CARMIL1: variants seen among roughly 807,000 people sequenced by gnomAD.
CARMIL1 encodes the protein F-actin-uncapping protein LRRC16A.
Under a neutral mutation model 177.1 loss-of-function variants are expected in CARMIL1, and 90 were observed. The ratio of observed to expected loss-of-function variants is 0.51; its 90% CI spans 0.43 to 0.61. CARMIL1 has a LOEUF of 0.61. Among genes scored for constraint, CARMIL1 ranks in the 20% least tolerant of loss-of-function variants. The probability of loss-of-function intolerance (pLI) is 0.00; values close to 1 mark genes in which losing one functional copy is unlikely to be tolerated. For synonymous variants in CARMIL1, 577 were observed against 606.2 expected (o/e 0.95, Z 0.71); for missense variants, 1,380 against 1,667.0 (o/e 0.83, Z 3.00).
intron 2 of CARMIL1, among the ~76,000 whole-genome samples, chr6:25,401,282 A>G (rs557043697): frequency 1.9e-5 from 1 of 51,512 alleles, no homozygotes; most frequent in African/African-American, 7.5e-5. Context: ...TTATACACAA[A>G]CACACACACA....
intron 2 of CARMIL1, among the ~76,000 whole-genome samples, chr6:25,357,676 A>T (rs1021105602): frequency 6.6e-6 from 1 of 152,244 alleles, no homozygotes. Flanking sequence ...GAAAAGCTGC[A>T]GTTTACTCCA....
At chr6:25,592,076 A>G (rs1406892651) in intron 31 of CARMIL1, among the ~76,000 whole-genome samples, 2 of 152,142 alleles carry the variant, frequency 1.3e-5, no homozygotes, top group African/African-American at 4.8e-5. Context: ...CAAAATGAAA[A>G]GAGGAATCAT....
chr6:25,362,303 C>A (rs1241065814), intron 2 of CARMIL1, among the ~76,000 whole-genome samples: 1 of 152,242 alleles, frequency 6.6e-6, no homozygotes, highest in East Asian at 1.9e-4. Flanking sequence ...CTAATGCCTA[C>A]AGTTGTCATC....
At chr6:25,583,875 A>C (rs975385213) in intron 31 of CARMIL1, among the ~76,000 whole-genome samples, 2 of 148,796 alleles carry the variant, frequency 1.3e-5, no homozygotes, top group Non-Finnish European at 3.0e-5. Context: ...CTAGGATGTT[A>C]CTGAATAAAT....
chr6:25,607,987 T>C (rs3804108), intron 35 of CARMIL1, among the ~76,000 whole-genome samples: 43,847 of 152,058 alleles, frequency 0.29, 6,397 homozygotes, highest in Non-Finnish European at 0.3. Flanking sequence ...TACACAATGT[T>C]TTCATGTAGA....
At chr6:25,523,344 T>A (rs561188285) in intron 23 of CARMIL1, among the ~76,000 whole-genome samples, 74 of 152,330 alleles carry the variant, frequency 4.9e-4, no homozygotes, top group African/African-American at 1.8e-3. Context: ...TAATTCTTAC[T>A]GGGTGTCTGG....
intron 4 of CARMIL1, among the ~76,000 whole-genome samples, chr6:25,430,479 G>C (rs1796661488): frequency 6.6e-6 from 1 of 151,022 alleles, no homozygotes; most frequent in African/African-American, 2.4e-5. Context: ...GCTCAGGCAG[G>C]AGTGCAGGGG....
intron 2 of CARMIL1, among the ~76,000 whole-genome samples, chr6:25,346,148 C>T (rs6932311): frequency 0.086 from 10,665 of 123,424 alleles, 886 homozygotes; most frequent in African/African-American, 0.23. Context: ...CGTCACTCTT[C>T]TTCCCATCTC....
chr6:25,587,278 A>G (rs1813851119), intron 31 of CARMIL1, among the ~76,000 whole-genome samples: 1 of 152,180 alleles, frequency 6.6e-6, no homozygotes, highest in Non-Finnish European at 1.5e-5. Flanking sequence ...AGTAGATAAA[A>G]GAATTCTTAA....
intron 15 of CARMIL1, among the ~76,000 whole-genome samples, chr6:25,494,449 A>G (rs1803504731): frequency 6.6e-6 from 1 of 152,150 alleles, no homozygotes; most frequent in Non-Finnish European, 1.5e-5. Context: ...TGTTGATGCT[A>G]CCTTATTATT....
intron 31 of CARMIL1, among the ~76,000 whole-genome samples, chr6:25,593,151 C>T (rs557794207): frequency 1.3e-5 from 2 of 152,320 alleles, no homozygotes; most frequent in South Asian, 4.1e-4. Flanking sequence ...AGAACCATGT[C>T]CCCATTTACC....
rs566068270 is a variant in CARMIL1, at chr6:25,528,624, C to CA, written c.1969-170dup. ...ATCTCTAACTAAAAACACCAGTACT[C>CA]ACAATGAAAGCCAGTTTCTCCATCC... On this transcript the variant is annotated intron_variant, in intron 23 of 36. Transcript: ENST00000329474. 2.2e-4 allele frequency among the ~76,000 whole-genome samples: 34 copies of CA among 152,290 alleles called. No homozygotes were observed. The South Asian group carries it at 6.0e-3, about 27-fold the overall frequency.
rs772386592 is a variant in CARMIL1 at position 25,449,916 on chromosome 6, C to T, written c.390C>T (p.Val130=). The T allele has an allele frequency of 1.2e-6, 2 of 1,606,248 alleles. No homozygotes were observed. The highest frequency in any genetic ancestry group is 1.7e-6 in the Non-Finnish European group (2 of 1,175,462). Residue 130 remains valine, a synonymous_variant, in exon 6 of 37, where the codon GTC becomes GTT. Transcript: ENST00000329474. ...GLSPVRIMKK[V]SMEPSERLAS... is the part of the protein sequence containing the mutation. ...CTTACAGGAGAATCATGAAAAAAGTCTCCATGGAGCCATCTGAGCGCCTGG... is the reference window on the plus strand; with the variant it reads ...CTTACAGGAGAATCATGAAAAAAGTTTCCATGGAGCCATCTGAGCGCCTGG...
At chr6:25,367,286 C>G (rs1789927640) in intron 2 of CARMIL1, among the ~76,000 whole-genome samples, 1 of 151,890 alleles carries the variant, frequency 6.6e-6, no homozygotes. Context: ...TGAGGGTATC[C>G]CTATAGATGC....
intron 15 of CARMIL1, among the ~76,000 whole-genome samples, chr6:25,494,511 A>T (rs562996691): frequency 6.6e-6 from 1 of 152,314 alleles, no homozygotes; most frequent in East Asian, 1.9e-4. Flanking sequence ...AAGGGGATGT[A>T]TTCAGAGGTT....
chr6:25,556,738 A>T lies in CARMIL1; in HGVS notation c.2630A>T (p.Gln877Leu). Reference protein sequence around the residue: ...HFSRRGKTLPQQESLEIELAE... With the variant: ...HFSRRGKTLPLQESLEIELAE... ...AGCAGACGTGGCAAGACCCTTCCTC[A>T]ACAAGAATCCTTAGAGATCGAGCTG... The change falls in exon 29 of 37, where the codon CAA becomes CTA. Residue 877 changes from glutamine to leucine, a missense_variant. Transcript: ENST00000329474. The T allele has an allele frequency of 6.2e-7, 1 of 1,613,396 alleles. No homozygotes were observed. Among genetic ancestry groups the T allele is most frequent in the Non-Finnish European group, 8.5e-7 (1 of 1,179,624 alleles).
chr6:25,550,450 T>C (rs1809970291), intron 26 of CARMIL1, among the ~76,000 whole-genome samples: 1 of 152,186 alleles, frequency 6.6e-6, no homozygotes, highest in African/African-American at 2.4e-5. Context: ...AGCAATTGAA[T>C]GGTTCACCCT....
rs768661801 is a variant in CARMIL1, at chr6:25,449,899, A to G, written c.373A>G (p.Arg125Gly). Residue 125 changes from arginine (R) to glycine (G), a missense_variant and splice_region_variant, in exon 6 of 37, where the codon AGA becomes GGA. Arg to Gly is a moderately radical substitution (Grantham distance 125). Coordinates refer to ENST00000329474, the MANE Select transcript of CARMIL1 (RefSeq NM_017640.6). ...RKIFPGLSPVRIMKKVSMEPS... is the reference protein window; with the variant it reads ...RKIFPGLSPVGIMKKVSMEPS... Reference sequence around the variant, plus strand: ...GTGTTGTTGTTGTTGATCTTACAGGAGAATCATGAAAAAAGTCTCCATGGA... The same window carrying G: ...GTGTTGTTGTTGTTGATCTTACAGGGGAATCATGAAAAAAGTCTCCATGGA... 4.4e-6 allele frequency: 7 copies of G among 1,594,514 alleles called. No individual in the cohort carries two copies. The highest frequency in any genetic ancestry group is 6.0e-6 in the Non-Finnish European group (7 of 1,166,224).
intron 2 of CARMIL1, among the ~76,000 whole-genome samples, chr6:25,296,183 C>T (rs1434896526): frequency 6.6e-6 from 1 of 152,168 alleles, no homozygotes. Context: ...CTTCCCCACT[C>T]CACTAGAAGC....
Sources: gnomAD v4.1 joint callset for allele counts (sites outside exome capture counted in the v4.1 genomes callset) on GRCh38, gnomAD v4.1.1 for gene constraint, MANE v1.5 for transcripts, NCBI Gene and HGNC (gene_info 2026-07-23, HGNC 2026-07-21) for gene names.